CEP57L1: variants seen among roughly 807,000 people sequenced by gnomAD.
CEP57L1 encodes centrosomal protein 57 like 1.
A neutral mutation model predicts 61.0 loss-of-function variants in CEP57L1; 37 were observed. The observed-to-expected ratio is 0.61, with a 90% confidence interval of 0.47 to 0.80. CEP57L1 has a LOEUF of 0.80. CEP57L1 is among the 30% of genes least tolerant of loss of function. The probability of loss-of-function intolerance (pLI) is 0.00; values close to 1 mark genes in which losing one functional copy is unlikely to be tolerated. For synonymous variants in CEP57L1, 137 were observed against 162.3 expected (o/e 0.84, Z 1.19); for missense variants, 422 against 524.7 (o/e 0.80, Z 1.91).
rs1403632201 is a variant in CEP57L1, at chr6:109,149,388, G to A, written c.341-730G>A. Among the ~76,000 whole-genome samples the A allele has an allele frequency of 8.5e-5, 13 of 152,168 alleles. 1 individual carries two copies. The Middle Eastern group carries it at 0.01, about 119-fold the overall frequency. On this transcript the variant is annotated intron_variant, in intron 3 of 10. Coordinates refer to ENST00000517392, the MANE Select transcript of CEP57L1 (RefSeq NM_001271852.3). ...TTATTAAATAGGGAATCCTTTCCCCGTTGCTTGTTTTTTCAGGTTTGTCAA... is the reference window on the plus strand; with the variant it reads ...TTATTAAATAGGGAATCCTTTCCCCATTGCTTGTTTTTTCAGGTTTGTCAA...
intron 1 of CEP57L1, chr6:109,129,573 T>A: frequency 2.2e-6 from 1 of 454,486 alleles, no homozygotes; most frequent in Non-Finnish European, 4.4e-6. Flanking sequence ...TTTCAACCTG[T>A]TCTCTAGTTT....
rs547775931 is a variant in CEP57L1 at position 109,171,879 on chromosome 6, C to T, written c.*8909C>T. Among the ~76,000 whole-genome samples, 1 of 152,140 alleles carries T rather than the reference C, an allele frequency of 6.6e-6. No individual in the cohort carries two copies. Among genetic ancestry groups the T allele is most frequent in the African/African-American group, 2.4e-5 (1 of 41,500 alleles). ...AGTTATTAGTAATTTACAGGAAAGG[C>T]TCAAGGTTTCATTTACATGGGAAAT... On this transcript the variant is annotated 3_prime_UTR_variant, in exon 11 of 11. Coordinates refer to ENST00000517392, the MANE Select transcript of CEP57L1 (RefSeq NM_001271852.3).
intron 8 of CEP57L1, 50 bp from the exon 9 acceptor site, chr6:109,159,219 C>G: frequency 6.2e-7 from 1 of 1,614,020 alleles, no homozygotes; most frequent in Non-Finnish European, 8.5e-7. Flanking sequence ...TCCCATAAGT[C>G]TACCAGTGCA....
intron 1 of CEP57L1, among the ~76,000 whole-genome samples, chr6:109,120,753 A>G (rs1772855413): frequency 6.6e-6 from 1 of 152,200 alleles, no homozygotes; most frequent in Admixed American, 6.5e-5. Context: ...AGTTCCACAT[A>G]GAAACACTAT....
At chr6:109,116,531 T>C (rs1415363007) in intron 1 of CEP57L1, among the ~76,000 whole-genome samples, 1 of 152,190 alleles carries the variant, frequency 6.6e-6, no homozygotes, top group Non-Finnish European at 1.5e-5. Context: ...AATTGATATA[T>C]ATGTTACTTT....
rs923066065 is a variant in CEP57L1 at position 109,165,526 on chromosome 6, A to C, written c.*2556A>C. Among the ~76,000 whole-genome samples the C allele has an allele frequency of 6.6e-6, 1 of 151,846 alleles. No homozygotes were observed. Among genetic ancestry groups the C allele is most frequent in the Non-Finnish European group, 1.5e-5 (1 of 67,970 alleles). On this transcript the variant is annotated 3_prime_UTR_variant, in exon 11 of 11. Transcript: ENST00000517392. Reference sequence around the variant, plus strand: ...AATATTCTCACTTATTTTGGTTTTTATCTCTTTCTGTGTGCCTGAAGGGAA... The same window carrying C: ...AATATTCTCACTTATTTTGGTTTTTCTCTCTTTCTGTGTGCCTGAAGGGAA...
rs73518381 is a variant in CEP57L1, at chr6:109,119,391, A to C, written c.-4+23816A>C. Among the ~76,000 whole-genome samples, 628 of 152,270 alleles carry C rather than the reference A, an allele frequency of 4.1e-3. 7 individuals carry two copies. The highest frequency in any genetic ancestry group is 0.014 in the African/African-American group (587 of 41,562). On this transcript the variant is annotated intron_variant, in intron 1 of 10. Transcript: ENST00000517392. ...AGGGCCTAGGCTGGGACACCTAATC[A>C]GTGGTGGTAAGGATGGGAGAGGATA...
At chr6:109,162,677 T>C in intron 10 of CEP57L1, 72 bp from the exon 11 acceptor site, 1 of 982,092 alleles carries the variant, frequency 1.0e-6, no homozygotes, top group Non-Finnish European at 1.5e-6. Flanking sequence ...AACCATCAAT[T>C]CAACCTATCT....
chr6:109,125,109 A>G (rs181580406), intron 1 of CEP57L1: 2 of 152,354 alleles, frequency 1.3e-5, no homozygotes, highest in East Asian at 3.9e-4. Flanking sequence ...GGAACTTTCC[A>G]GTGAAGGGGT....
At chr6:109,155,480 A>G (rs1773125721) in intron 6 of CEP57L1, among the ~76,000 whole-genome samples, 173 bp downstream of exon 6, 1 of 151,976 alleles carries the variant, frequency 6.6e-6, no homozygotes, top group Non-Finnish European at 1.5e-5. Flanking sequence ...TGTATTACCA[A>G]GAGGTCTTTT....
chr6:109,098,841 G>A (rs1782031137), intron 1 of CEP57L1, among the ~76,000 whole-genome samples: 1 of 152,136 alleles, frequency 6.6e-6, no homozygotes, highest in Non-Finnish European at 1.5e-5. Flanking sequence ...CCATAGGGAA[G>A]CAAGGGTGGA....
intron 1 of CEP57L1, among the ~76,000 whole-genome samples, chr6:109,104,466 G>A (rs531350768): frequency 2.0e-5 from 3 of 152,296 alleles, no homozygotes; most frequent in African/African-American, 7.2e-5. Flanking sequence ...CATTTTTCAA[G>A]TTATGTTTTG....
intron 1 of CEP57L1, among the ~76,000 whole-genome samples, chr6:109,100,939 T>C (rs1782314895): frequency 6.6e-6 from 1 of 152,032 alleles, no homozygotes; most frequent in South Asian, 2.1e-4. Flanking sequence ...AAAGTCCATC[T>C]CTACTAAAAG....
rs139480575 is a variant in CEP57L1, at chr6:109,153,008, A to T, written c.463-825A>T. Among the ~76,000 whole-genome samples the T allele has an allele frequency of 7.9e-3, 1,199 of 151,558 alleles. 20 individuals are homozygous for T. Among genetic ancestry groups the T allele is most frequent in the African/African-American group, 0.028 (1,149 of 41,338 alleles). On this transcript the variant is annotated intron_variant, in intron 4 of 10. Transcript: ENST00000517392. ...CGCCTGTAATCCCAGCTATTTGGGAAGCTGAGGAGGGAGAATCGCATGAAC... is the reference window on the plus strand; with the variant it reads ...CGCCTGTAATCCCAGCTATTTGGGATGCTGAGGAGGGAGAATCGCATGAAC...
In CEP57L1 at chr6:109,174,006, A is replaced by G. The variant is rs578003925; in HGVS notation, c.*11036A>G. Reference sequence around the variant, plus strand: ...TCTCAGCTACTCATCAGGCTGAGGCAGGAGAATCGCTTGAACCCAGGAGAC... The same window carrying G: ...TCTCAGCTACTCATCAGGCTGAGGCGGGAGAATCGCTTGAACCCAGGAGAC... On this transcript the variant is annotated 3_prime_UTR_variant, in exon 11 of 11. Transcript: ENST00000517392. 2.0e-5 allele frequency among the ~76,000 whole-genome samples: 3 copies of G among 151,564 alleles called. No homozygotes were observed. The highest frequency in any genetic ancestry group is 4.8e-5 in the African/African-American group (2 of 41,316).
intron 7 of CEP57L1, chr6:109,156,681 C>G (rs947047402): frequency 2.0e-5 from 3 of 152,034 alleles, no homozygotes; most frequent in African/African-American, 7.2e-5. Flanking sequence ...ACAGGAGATG[C>G]TATTTGGGAA....
chr6:109,159,661 C>G (rs1486474209), intron 9 of CEP57L1, among the ~76,000 whole-genome samples, 199 bp downstream of exon 9: 4 of 152,030 alleles, frequency 2.6e-5, no homozygotes, highest in Admixed American at 6.6e-5. Flanking sequence ...TCTTCTTAGT[C>G]TTAAGAACAA....
In CEP57L1 at chr6:109,172,785, A is replaced by G. The variant is rs377593614; in HGVS notation, c.*9815A>G. Reference sequence around the variant, plus strand: ...AGTGTGATAAAAGGTTACGCTTAGTATACAAAGACCTTCTTATAAGTCTAG... The same window carrying G: ...AGTGTGATAAAAGGTTACGCTTAGTGTACAAAGACCTTCTTATAAGTCTAG... On this transcript the variant is annotated 3_prime_UTR_variant, in exon 11 of 11. Transcript: ENST00000517392. Among the ~76,000 whole-genome samples the G allele has an allele frequency of 1.3e-5, 2 of 152,146 alleles. No individual in the cohort carries two copies. Among genetic ancestry groups the G allele is most frequent in the East Asian group, 1.9e-4 (1 of 5,200 alleles).
intron 2 of CEP57L1, among the ~76,000 whole-genome samples, chr6:109,146,357 C>T (rs1401457610): frequency 6.6e-6 from 1 of 151,722 alleles, no homozygotes; most frequent in African/African-American, 2.4e-5. Context: ...AGAAAAAAAG[C>T]CTATAACTTT....
Sources: gnomAD v4.1 joint callset for allele counts (sites outside exome capture counted in the v4.1 genomes callset) on GRCh38, gnomAD v4.1.1 for gene constraint, MANE v1.5 for transcripts, NCBI Gene and HGNC (gene_info 2026-07-23, HGNC 2026-07-21) for gene names.